CTNNBIP1: variants seen among roughly 807,000 people sequenced by gnomAD.
CTNNBIP1 encodes catenin beta interacting protein 1.
In CTNNBIP1, 7 loss-of-function variants were observed where a neutral mutation model predicts 11.8. The ratio of observed to expected loss-of-function variants is 0.60; its 90% CI spans 0.34 to 1.12. CTNNBIP1 has a LOEUF of 1.12. Ranked by LOEUF, CTNNBIP1 falls within the 50% of genes most tolerant of loss-of-function variation. The probability of loss-of-function intolerance (pLI) is 0.03; values close to 1 mark genes in which losing one functional copy is unlikely to be tolerated. For missense variants in CTNNBIP1, 101 were observed against 113.4 expected, an observed-to-expected ratio of 0.89 and a Z score of 0.50; for synonymous variants, 58 against 43.9, an observed-to-expected ratio of 1.32 and a Z score of -1.26.
intron 5 of CTNNBIP1, among the ~76,000 whole-genome samples, chr1:9,858,878 A>G (rs917209758): frequency 6.6e-6 from 1 of 152,140 alleles, no homozygotes; most frequent in Non-Finnish European, 1.5e-5. Flanking sequence ...TCCAGACTCC[A>G]AAGCCCATGC....
intron 1 of CTNNBIP1, among the ~76,000 whole-genome samples, chr1:9,886,627 G>C (rs1335513820): frequency 6.6e-6 from 1 of 152,232 alleles, no homozygotes; most frequent in Non-Finnish European, 1.5e-5. Flanking sequence ...TCATGGCCCA[G>C]CTAGTCCACA....
chr1:9,880,256 G>A (rs542966963), intron 2 of CTNNBIP1, among the ~76,000 whole-genome samples: 1 of 151,746 alleles, frequency 6.6e-6, no homozygotes, highest in East Asian at 1.9e-4. Flanking sequence ...GTGTTAGTTT[G>A]CTAAGAATGA....
chr1:9,876,910 T>C (rs1425180177), intron 3 of CTNNBIP1, among the ~76,000 whole-genome samples: 3 of 150,406 alleles, frequency 2.0e-5, no homozygotes, highest in Non-Finnish European at 4.4e-5. Flanking sequence ...TGCCTCTCTG[T>C]TGAAGGAAGC....
At chr1:9,887,144 A>T (rs899683694) in intron 1 of CTNNBIP1, among the ~76,000 whole-genome samples, 2 of 152,244 alleles carry the variant, frequency 1.3e-5, no homozygotes, top group Admixed American at 6.5e-5. Context: ...CCCTGAAGCC[A>T]GGTGATGCTA....
At chr1:9,881,428 C>T (rs1263749437) in intron 2 of CTNNBIP1, among the ~76,000 whole-genome samples, 1 of 148,800 alleles carries the variant, frequency 6.7e-6, no homozygotes, top group Admixed American at 6.9e-5. Context: ...CAACCTCCGC[C>T]TCCCAGGTTC....
intron 3 of CTNNBIP1, among the ~76,000 whole-genome samples, chr1:9,875,688 T>C (rs879835732): frequency 6.6e-6 from 1 of 152,348 alleles, no homozygotes; most frequent in African/African-American, 2.4e-5. Flanking sequence ...AGCGTGGTCA[T>C]GGAGAATTCT....
At chr1:9,896,743 C>T (rs897942262) in intron 1 of CTNNBIP1, among the ~76,000 whole-genome samples, 7 of 151,654 alleles carry the variant, frequency 4.6e-5, no homozygotes, top group Non-Finnish European at 1.0e-4. Flanking sequence ...CCAAGGTGGG[C>T]GAATCATGAG....
rs973973407 is a variant in CTNNBIP1, at chr1:9,848,601, C to T, written c.*2117G>A. On this transcript the variant is annotated 3_prime_UTR_variant, in exon 6 of 6. Transcript: ENST00000377263. This position sits in a 1 kb window ranked among gnomAD's most constrained non-coding sequence, Gnocchi z 4.3. Reference sequence around the variant, plus strand: ...AACTCACCTTTCCCCAGGGGCTCAGCCAGACCTCCAGGCCCCTGAGCGGGG... The same window carrying T: ...AACTCACCTTTCCCCAGGGGCTCAGTCAGACCTCCAGGCCCCTGAGCGGGG... The T allele has an allele frequency of 2.6e-5, 4 of 152,276 alleles. No individual in the cohort carries two copies. Among genetic ancestry groups the T allele is most frequent in the African/African-American group, 9.6e-5 (4 of 41,464 alleles). The allele number at this position is 152,276 out of a possible 1,614,324, so 9.4% of individuals were successfully genotyped here. A position where few individuals can be genotyped will look rare whatever the true frequency, so the allele number is the denominator to read the frequency against.
chr1:9,886,651 G>T (rs1440332517), intron 1 of CTNNBIP1, among the ~76,000 whole-genome samples: 1 of 152,190 alleles, frequency 6.6e-6, no homozygotes, highest in Non-Finnish European at 1.5e-5. Flanking sequence ...GAGCAGGATG[G>T]AACCCAGATT....
chr1:9,896,161 T>C (rs977356755), intron 1 of CTNNBIP1, among the ~76,000 whole-genome samples: 4 of 152,230 alleles, frequency 2.6e-5, no homozygotes, highest in Admixed American at 6.5e-5. Flanking sequence ...CCAGGACCCT[T>C]GTCTTTAGGA....
chr1:9,880,041 A>G (rs1639050578), intron 2 of CTNNBIP1, among the ~76,000 whole-genome samples: 1 of 152,180 alleles, frequency 6.6e-6, no homozygotes, highest in South Asian at 2.1e-4. Flanking sequence ...CGCATGTGCC[A>G]TGGCGGTTTG....
intron 5 of CTNNBIP1, among the ~76,000 whole-genome samples, chr1:9,855,181 C>T (rs778781106): frequency 6.6e-6 from 1 of 150,910 alleles, no homozygotes; most frequent in Non-Finnish European, 1.5e-5. Flanking sequence ...TTGAATAGTA[C>T]ACAACATTAC....
At chr1:9,908,178 C>A (rs1014813558) in intron 1 of CTNNBIP1, among the ~76,000 whole-genome samples, 1 of 152,070 alleles carries the variant, frequency 6.6e-6, no homozygotes, top group Non-Finnish European at 1.5e-5. Flanking sequence ...CCTGCCTCAG[C>A]CTCCCAAGTA....
chr1:9,891,125 GGGAAA>G (rs1281983959), intron 1 of CTNNBIP1, among the ~76,000 whole-genome samples: 1 of 151,536 alleles, frequency 6.6e-6, no homozygotes, highest in Admixed American at 6.6e-5. Context: ...AGAAGAAAGG[GGGAAA>G]ACTGACACAG....
intron 5 of CTNNBIP1, among the ~76,000 whole-genome samples, chr1:9,855,624 T>G (rs1284401084): frequency 6.6e-6 from 1 of 152,020 alleles, no homozygotes; most frequent in Non-Finnish European, 1.5e-5. Context: ...CTAAAAAAAT[T>G]AACCTGAAAT....
intron 1 of CTNNBIP1, among the ~76,000 whole-genome samples, chr1:9,895,128 C>T (rs1204888708): frequency 1.3e-5 from 2 of 151,588 alleles, no homozygotes; most frequent in Non-Finnish European, 2.9e-5. Flanking sequence ...AAGATGGTCT[C>T]GATCTCCTGA....
At position 9,850,596 on chromosome 1, in the gene CTNNBIP1, G is replaced by A; in HGVS notation, c.*122C>T. The A allele has an allele frequency of 1.2e-6, 1 of 827,706 alleles. No individual in the cohort carries two copies. The highest frequency in any genetic ancestry group is 1.5e-5 in the South Asian group (1 of 68,058). 51.3% of individuals were successfully genotyped at this position (827,706 alleles called of 1,614,324 possible). A position where few individuals can be genotyped will look rare whatever the true frequency, so the allele number is the denominator to read the frequency against. On this transcript the variant is annotated 3_prime_UTR_variant, in exon 6 of 6. Coordinates refer to ENST00000377263, the MANE Select transcript of CTNNBIP1 (RefSeq NM_020248.3). ...TAGCTGTGAGGTGGGGTGGGGCAGG[G>A]CAGGGTTGGGTAGGGGAAGGGGGAG...
chr1:9,897,230 G>A (rs751519457), intron 1 of CTNNBIP1, among the ~76,000 whole-genome samples: 6 of 151,966 alleles, frequency 3.9e-5, no homozygotes, highest in South Asian at 4.1e-4. Context: ...CGAGGCGGGC[G>A]GATCACGAGG....
intron 1 of CTNNBIP1, among the ~76,000 whole-genome samples, chr1:9,892,771 G>A (rs917031838): frequency 6.6e-6 from 1 of 152,090 alleles, no homozygotes; most frequent in Non-Finnish European, 1.5e-5. Context: ...CACACTGCTT[G>A]CTTGTTTGGG....
Sources: allele counts gnomAD v4.1 joint callset (sites outside exome capture counted in the v4.1 genomes callset), GRCh38; gene constraint gnomAD v4.1.1; non-coding constraint Gnocchi (gnomAD v3.1); transcripts MANE v1.5; gene names NCBI Gene and HGNC (gene_info 2026-07-23, HGNC 2026-07-21).